RAD51B: variants seen among roughly 807,000 people sequenced by gnomAD.
RAD51B encodes RAD51 paralog B, also known as DNA repair protein RAD51 homolog 2.
A neutral mutation model predicts 42.2 loss-of-function variants in RAD51B; 38 were observed. That is an observed-to-expected ratio of 0.90 (90% CI 0.70 to 1.18). The LOEUF (loss-of-function observed/expected upper bound fraction) is 1.18, where lower values mean the gene tolerates loss of function less well. Ranked by LOEUF, RAD51B falls within the 50% of genes most tolerant of loss-of-function variation. The pLI is 0.00. For missense variants in RAD51B, 373 were observed against 400.7 expected (o/e 0.93, Z 0.59); for synonymous variants, 154 against 145.2 (o/e 1.06, Z -0.43).
chr14:67,960,084 C>CAA lies in RAD51B; in HGVS notation c.756+72891_756+72892dup, dbSNP rs530368478. Among the ~76,000 whole-genome samples, 301 of 140,584 alleles carry CAA rather than the reference C, an allele frequency of 2.1e-3. 1 individual carries two copies. The highest frequency in any genetic ancestry group is 5.1e-3 in the African/African-American group (197 of 38,920). The allele number at this position is 140,584 out of a possible 152,430, so 92.2% of individuals were successfully genotyped here. A position where few individuals can be genotyped will look rare whatever the true frequency, so the allele number is the denominator to read the frequency against. ...TGGGCAACAGAGCAAGACTCCATCT[C>CAA]AAAAAAAAAAAAGAAGTGTGTGTGT... On this transcript the variant is annotated intron_variant, in intron 7 of 10. Transcript: ENST00000471583.
At chr14:67,904,439 A>G (rs1595086812) in intron 7 of RAD51B, among the ~76,000 whole-genome samples, 2 of 150,502 alleles carry the variant, frequency 1.3e-5, no homozygotes. Context: ...AATAATAGCT[A>G]TTCTGACTGG....
intron 3 of RAD51B, among the ~76,000 whole-genome samples, chr14:67,828,918 G>A (rs147657244): frequency 1.7e-3 from 265 of 152,306 alleles, no homozygotes; most frequent in African/African-American, 6.2e-3. Flanking sequence ...TGGATAGCAT[G>A]ATGCCTGCAG....
chr14:68,570,335 G>A (rs1480948014), intron 10 of RAD51B, among the ~76,000 whole-genome samples: 3 of 152,190 alleles, frequency 2.0e-5, no homozygotes, highest in Admixed American at 6.5e-5. Context: ...CTCTCTCCCC[G>A]GGGTCATTTG....
At chr14:68,605,667 A>G (rs565787813) in intron 10 of RAD51B, among the ~76,000 whole-genome samples, 39 of 152,274 alleles carry the variant, frequency 2.6e-4, no homozygotes, top group Non-Finnish European at 4.9e-4. Context: ...CGAAGGGCCT[A>G]CCCCACTCCT....
chr14:68,397,323 T>C (rs72727469), intron 8 of RAD51B, among the ~76,000 whole-genome samples: 1 of 152,372 alleles, frequency 6.6e-6, no homozygotes, highest in Non-Finnish European at 1.5e-5. Flanking sequence ...AGATGTGAAC[T>C]GACTGGCTAC....
At chr14:68,404,139 A>G (rs2084198030) in intron 8 of RAD51B, among the ~76,000 whole-genome samples, 1 of 152,364 alleles carries the variant, frequency 6.6e-6, no homozygotes, top group East Asian at 1.9e-4. Flanking sequence ...CATAACAATG[A>G]AAATCCTCAA....
intron 7 of RAD51B, among the ~76,000 whole-genome samples, chr14:68,175,768 C>G (rs890399628): frequency 2.0e-5 from 3 of 152,138 alleles, no homozygotes; most frequent in African/African-American, 7.2e-5. Context: ...ATGTGTGGCT[C>G]AGTCTGACTT....
chr14:68,441,997 C>T (rs1469814428), intron 9 of RAD51B, among the ~76,000 whole-genome samples: 1 of 152,198 alleles, frequency 6.6e-6, no homozygotes, highest in African/African-American at 2.4e-5. Flanking sequence ...TTGGAATCCA[C>T]TGGCAGAGCT....
intron 7 of RAD51B, among the ~76,000 whole-genome samples, chr14:68,020,241 C>A (rs990610336): frequency 8.5e-5 from 13 of 152,132 alleles, no homozygotes; most frequent in Non-Finnish European, 1.6e-4. Flanking sequence ...TCTCGAGTAG[C>A]TGGGACCACA....
chr14:68,328,395 G>A (rs10047807), intron 8 of RAD51B, among the ~76,000 whole-genome samples: 2,765 of 152,230 alleles, frequency 0.018, 85 homozygotes, highest in African/African-American at 0.059. Flanking sequence ...AAGGTCTTGT[G>A]CTGGTAATGA....
chr14:68,428,020 T>A (rs1333222910), intron 9 of RAD51B, among the ~76,000 whole-genome samples: 1 of 152,158 alleles, frequency 6.6e-6, no homozygotes, highest in Non-Finnish European at 1.5e-5. Context: ...CTTATAAAAA[T>A]TTGAGTTTTG....
chr14:67,898,357 T>C (rs938092438), intron 7 of RAD51B, among the ~76,000 whole-genome samples: 8 of 152,236 alleles, frequency 5.3e-5, no homozygotes, highest in Non-Finnish European at 1.2e-4. Context: ...GATCCCACTT[T>C]TACTAGTATA....
At chr14:68,128,849 A>G (rs762413646) in intron 7 of RAD51B, among the ~76,000 whole-genome samples, 1 of 152,244 alleles carries the variant, frequency 6.6e-6, no homozygotes, top group Non-Finnish European at 1.5e-5. Context: ...ATTTTAAAAG[A>G]GTTAACATGT....
At chr14:68,517,766 AGATAT>A (rs1328750486) in intron 10 of RAD51B, among the ~76,000 whole-genome samples, 4 of 152,238 alleles carry the variant, frequency 2.6e-5, no homozygotes, top group Non-Finnish European at 5.9e-5. Context: ...TAGATGGACT[AGATAT>A]GAGAAAGGCG....
chr14:68,191,156 T>C (rs1176288887), intron 7 of RAD51B, among the ~76,000 whole-genome samples: 1 of 152,154 alleles, frequency 6.6e-6, no homozygotes, highest in East Asian at 1.9e-4. Flanking sequence ...TTGGCAGAGA[T>C]GGGAGAAGAA....
chr14:68,536,168 C>G (rs1887606370), intron 10 of RAD51B, among the ~76,000 whole-genome samples: 2 of 152,152 alleles, frequency 1.3e-5, no homozygotes, highest in Non-Finnish European at 2.9e-5. Flanking sequence ...TCCCTCTGTT[C>G]AAAATTCACC....
intron 10 of RAD51B, among the ~76,000 whole-genome samples, chr14:68,623,473 C>G (rs1566957858): frequency 6.6e-6 from 1 of 152,360 alleles, no homozygotes; most frequent in East Asian, 1.9e-4. Context: ...AGGCTGTTCA[C>G]TGCAAAAGGC....
At chr14:68,123,033 G>C (rs1043610625) in intron 7 of RAD51B, among the ~76,000 whole-genome samples, 2 of 151,944 alleles carry the variant, frequency 1.3e-5, no homozygotes, top group Admixed American at 6.6e-5. Context: ...TTGTTTCCAG[G>C]GGGGGGTTTT....
intron 9 of RAD51B, among the ~76,000 whole-genome samples, chr14:68,467,860 A>G (rs1319675748): frequency 6.6e-6 from 1 of 152,244 alleles, no homozygotes; most frequent in Non-Finnish European, 1.5e-5. Flanking sequence ...AGCTAGGTTT[A>G]TTTTTGGGCA....
Sources: gnomAD v4.1 joint callset for allele counts (sites outside exome capture counted in the v4.1 genomes callset) on GRCh38, gnomAD v4.1.1 for gene constraint, MANE v1.5 for transcripts, NCBI Gene and HGNC (gene_info 2026-07-23, HGNC 2026-07-21) for gene names.